MED12L: variants seen among roughly 807,000 people sequenced by gnomAD.
The protein encoded by MED12L is mediator of RNA polymerase II transcription subunit 12-like protein.
In MED12L, 60 loss-of-function variants were observed where a neutral mutation model predicts 281.3. That is an observed-to-expected ratio of 0.21 (90% confidence interval 0.17 to 0.26). The LOEUF is 0.26. Among genes scored for constraint, MED12L ranks in the 10% least tolerant of loss-of-function variants. MED12L has a pLI of 1.00. For missense variants in MED12L, 2,146 were observed against 2,680.9 expected (o/e 0.80, Z 4.41); for synonymous variants, 974 against 987.2 (o/e 0.99, Z 0.25).
chr3:151,418,021 C>T (rs1039921143), intron 43 of MED12L, among the ~76,000 whole-genome samples: 2 of 151,964 alleles, frequency 1.3e-5, no homozygotes, highest in South Asian at 2.1e-4. Flanking sequence ...TCTAGTGTCC[C>T]GTACAAGAAC....
At chr3:151,204,210 A>C (rs1192621843) in intron 16 of MED12L, among the ~76,000 whole-genome samples, 1 of 152,164 alleles carries the variant, frequency 6.6e-6, no homozygotes, top group Admixed American at 6.5e-5. Context: ...GTTTCTTTTA[A>C]TAATACTTGG....
rs141980278 is a variant in MED12L at position 151,156,240 on chromosome 3, G to T, written c.636G>T (p.Thr212=). 5.6e-6 allele frequency: 9 copies of T among 1,613,378 alleles called. No individual in the cohort carries two copies. Among genetic ancestry groups the T allele is most frequent in the South Asian group, 1.1e-5 (1 of 90,896 alleles). Residue 212 remains threonine (T), a synonymous_variant, in exon 6 of 45, where the codon ACG becomes ACT. Transcript: ENST00000687756. ...ACTTTTACCACATGGCCTCCAGCAC[G>T]GGCGATGGCCCTGTCCCTGTGCCAC... ...ISDFYHMASS[T]GDGPVPVPPE...
chr3:151,411,878 T>C (rs865788448), intron 41 of MED12L, among the ~76,000 whole-genome samples: 55 of 152,258 alleles, frequency 3.6e-4, no homozygotes, highest in African/African-American at 1.2e-3. Context: ...TACTACAATT[T>C]GTTGATTGGA....
At position 151,391,447 on chromosome 3, in the gene MED12L, C is replaced by T. The variant is rs1033547588; in HGVS notation, c.5608+1312C>T. 5.3e-5 allele frequency among the ~76,000 whole-genome samples: 8 copies of T among 152,168 alleles called. No individual in the cohort carries two copies. In the East Asian group the frequency reaches 1.5e-3, roughly 29 times the overall value. ...TTTAAATTGTAGACCCATACCCCTT[C>T]CCTGTACCCTCTGTTTCTCTCTTTT... On this transcript the variant is annotated intron_variant, in intron 38 of 44. Transcript: ENST00000687756.
chr3:151,198,393 A>G, intron 16 of MED12L: 1 of 1,483,936 alleles, frequency 6.7e-7, no homozygotes, highest in South Asian at 1.4e-5. Flanking sequence ...TGGTCCAGTA[A>G]GGCCAGAATT....
rs542531595 is a variant in MED12L, at chr3:151,337,757, C to T, written c.2251-12302C>T. On this transcript the variant is annotated intron_variant, in intron 16 of 44. Coordinates refer to ENST00000687756, the MANE Select transcript of MED12L (RefSeq NM_001393769.1). ...TTCGTCAGTTAATATTTTTACTTAG[C>T]GCTTTGCTTTAACGAGTTCTGAACA... 3.9e-5 allele frequency: 59 copies of T among 1,521,040 alleles called. No homozygotes were observed. In the East Asian group the frequency reaches 7.9e-4, roughly 20 times the overall value. 94.2% of individuals were successfully genotyped at this position (1,521,040 alleles called of 1,614,324 possible). A position where few individuals can be genotyped will look rare whatever the true frequency, so the allele number is the denominator to read the frequency against.
chr3:151,163,569 T>C (rs1046687380), intron 8 of MED12L, among the ~76,000 whole-genome samples: 1 of 152,172 alleles, frequency 6.6e-6, no homozygotes, highest in African/African-American at 2.4e-5. Context: ...ATGTTTTTAA[T>C]TGCATGAAAA....
At chr3:151,338,506 A>G in intron 16 of MED12L, 2 of 1,613,958 alleles carry the variant, frequency 1.2e-6, no homozygotes, top group Non-Finnish European at 1.7e-6. Flanking sequence ...AGTCCCAGGA[A>G]TGAAATACTG....
chr3:151,301,920 G>A (rs1236665239), intron 16 of MED12L, among the ~76,000 whole-genome samples: 1 of 152,226 alleles, frequency 6.6e-6, no homozygotes, highest in East Asian at 1.9e-4. Context: ...CACAAGAAAT[G>A]AAAACTTATG....
intron 5 of MED12L, among the ~76,000 whole-genome samples, chr3:151,128,859 A>G (rs1189315766): frequency 6.6e-6 from 1 of 152,198 alleles, no homozygotes; most frequent in Non-Finnish European, 1.5e-5. Context: ...TAAGGCCCAT[A>G]AGGGCAGGAA....
chr3:151,262,988 C>G (rs1405910364), intron 16 of MED12L, among the ~76,000 whole-genome samples: 1 of 152,120 alleles, frequency 6.6e-6, no homozygotes, highest in Non-Finnish European at 1.5e-5. Context: ...GGCATCTTAA[C>G]ATGTACCCTC....
chr3:151,258,936 G>A (rs1019568042), intron 16 of MED12L, among the ~76,000 whole-genome samples: 2 of 151,756 alleles, frequency 1.3e-5, no homozygotes, highest in East Asian at 1.9e-4. Flanking sequence ...CAGGTTGTGT[G>A]TGCTGTTAGC....
intron 16 of MED12L, among the ~76,000 whole-genome samples, chr3:151,299,424 CTCCTCT>C (rs1745597569): frequency 1.4e-5 from 1 of 70,684 alleles, no homozygotes; most frequent in African/African-American, 5.2e-5. Context: ...TCCCCTCCCC[CTCCTCT>C]CCTCTCTTTT....
intron 13 of MED12L, 104 bp downstream of exon 13, chr3:151,188,584 C>T: frequency 1.7e-6 from 2 of 1,210,824 alleles, no homozygotes; most frequent in Non-Finnish European, 1.1e-6. Context: ...ATTCTTGGCA[C>T]TGAATATAAT....
chr3:151,352,200 G>T (rs1753317970), intron 17 of MED12L, among the ~76,000 whole-genome samples: 1 of 152,108 alleles, frequency 6.6e-6, no homozygotes, highest in Non-Finnish European at 1.5e-5. Context: ...TCTACATTTT[G>T]ACTGTGACCT....
At chr3:151,198,357 A>C in intron 16 of MED12L, 2 of 726,810 alleles carry the variant, frequency 2.8e-6, no homozygotes, top group South Asian at 4.7e-5. Context: ...TTTTTTTTTT[A>C]TCTTTCAAAG....
At chr3:151,118,758 A>G (rs948896264) in intron 3 of MED12L, among the ~76,000 whole-genome samples, 1 of 151,820 alleles carries the variant, frequency 6.6e-6, no homozygotes, top group South Asian at 2.1e-4. Context: ...CAGTGGTGCA[A>G]TCTTCGCTCA....
chr3:151,178,818 C>T (rs1722387672), intron 11 of MED12L, among the ~76,000 whole-genome samples: 1 of 152,124 alleles, frequency 6.6e-6, no homozygotes, highest in Admixed American at 6.6e-5. Context: ...TTTATTACTA[C>T]TACCTGTAAA....
intron 16 of MED12L, among the ~76,000 whole-genome samples, chr3:151,315,138 A>G (rs1169647180): frequency 6.6e-6 from 1 of 152,140 alleles, no homozygotes; most frequent in South Asian, 2.1e-4. Flanking sequence ...TTCTTATTTC[A>G]GGAGCATACA....
Sources: gnomAD v4.1 joint callset for allele counts (sites outside exome capture counted in the v4.1 genomes callset) on GRCh38, gnomAD v4.1.1 for gene constraint, MANE v1.5 for transcripts, NCBI Gene and HGNC (gene_info 2026-07-23, HGNC 2026-07-21) for gene names.